The following ARGLU1 variants were observed in gnomAD, a reference collection of about 807,000 sequenced individuals.
The protein encoded by ARGLU1 is arginine and glutamate-rich protein 1.
A neutral mutation model predicts 37.6 loss-of-function variants in ARGLU1; 9 were observed. That is an observed-to-expected ratio of 0.24 (90% CI 0.14 to 0.42). ARGLU1 has a LOEUF of 0.42. ARGLU1 is among the 10% of genes least tolerant of loss of function. The pLI, the probability that ARGLU1 is intolerant of heterozygous loss-of-function variation, is 1.00. For missense variants in ARGLU1, 211 were observed against 359.2 expected (o/e 0.59, Z 3.34); for synonymous variants, 166 against 138.5 (o/e 1.20, Z -1.39).
chr13:106,551,218 T>C lies in ARGLU1; in HGVS notation c.657+5830A>G, dbSNP rs1420552731. Among the ~76,000 whole-genome samples the C allele has an allele frequency of 3.3e-5, 5 of 152,362 alleles. 1 individual carries two copies. The South Asian group carries it at 8.3e-4, about 25-fold the overall frequency. On this transcript the variant is annotated intron_variant, in intron 3 of 3. Coordinates refer to ENST00000400198, the MANE Select transcript of ARGLU1 (RefSeq NM_018011.4). ...AACATCCAGTGCTGGTGGTTCTTTC[T>C]ATACTTATCAGTTCATTCTTCAATT... is the stretch of plus-strand genomic sequence containing the variant.
intron 1 of ARGLU1, among the ~76,000 whole-genome samples, chr13:106,561,199 T>TA (rs1184247306): frequency 7.9e-5 from 12 of 151,870 alleles, no homozygotes; most frequent in East Asian, 3.9e-4. Context: ...TCCCCAATAC[T>TA]AAAAAAAATC....
intron 1 of ARGLU1, among the ~76,000 whole-genome samples, chr13:106,565,745 T>C (rs1428843117): frequency 6.6e-6 from 1 of 152,212 alleles, no homozygotes; most frequent in African/African-American, 2.4e-5. Flanking sequence ...CCCAGGAATT[T>C]AGAGTACAGG....
In ARGLU1 at chr13:106,557,297, C is replaced by T; in HGVS notation, c.574-166G>A. Reference sequence around the variant, plus strand: ...ACTGTGCAGTCACTAAAATTGGTTTCTAGCACTAAATTTAAATCATCCCTC... The same window carrying T: ...ACTGTGCAGTCACTAAAATTGGTTTTTAGCACTAAATTTAAATCATCCCTC... On this transcript the variant is annotated intron_variant, in intron 2 of 3. Transcript: ENST00000400198. This position sits in a 1 kb window ranked among gnomAD's most constrained non-coding sequence, Gnocchi z 5.0. 1.4e-6 allele frequency: 1 copy of T among 709,668 alleles called. No homozygotes were observed. The highest frequency in any genetic ancestry group is 2.2e-5 in the South Asian group (1 of 46,154). The allele number at this position is 709,668 out of a possible 1,614,324, so 44.0% of individuals were successfully genotyped here.
rs1454183201 is a variant in ARGLU1 at position 106,567,836 on chromosome 13, C to T, written c.84G>A (p.Arg28=). The T allele has an allele frequency of 6.2e-7, 1 of 1,613,620 alleles. No individual in the cohort carries two copies. Among genetic ancestry groups the T allele is most frequent in the Admixed American group, 1.7e-5 (1 of 60,018 alleles). Residue 28 remains arginine, a synonymous_variant, in exon 1 of 4, where the codon CGG becomes CGA. Transcript: ENST00000400198. The surrounding 1 kb of genome is among the most constrained non-coding windows in gnomAD (Gnocchi z 4.3). Reference sequence around the variant, plus strand: ...CGCGCTCCTTGTCCCGGGATCGCGACCGGGACCGGCTGCGCTTCTTGTTGT... The same window carrying T: ...CGCGCTCCTTGTCCCGGGATCGCGATCGGGACCGGCTGCGCTTCTTGTTGT... The part of the protein sequence containing the change: ...SKHNKKRSRS[R]SRSRDKERVR...
At chr13:106,556,812 A>G (rs1880671887) in intron 3 of ARGLU1, among the ~76,000 whole-genome samples, 1 of 152,202 alleles carries the variant, frequency 6.6e-6, no homozygotes, top group Non-Finnish European at 1.5e-5. Flanking sequence ...ATAGAGAACA[A>G]AATAATTTCC....
chr13:106,552,503 T>C (rs1484333595), intron 3 of ARGLU1, among the ~76,000 whole-genome samples: 3 of 152,280 alleles, frequency 2.0e-5, no homozygotes, highest in South Asian at 2.1e-4. Flanking sequence ...AGGGTATAGA[T>C]TGAGAGTTTC....
At chr13:106,548,973 G>C (rs578258043) in intron 3 of ARGLU1, among the ~76,000 whole-genome samples, 83 of 152,130 alleles carry the variant, frequency 5.5e-4, no homozygotes, top group Non-Finnish European at 1.1e-3. Flanking sequence ...GGATGGTCTA[G>C]ATCTTCTGAC....
chr13:106,563,471 C>A (rs1400444359), intron 1 of ARGLU1, among the ~76,000 whole-genome samples: 1 of 151,918 alleles, frequency 6.6e-6, no homozygotes, highest in Non-Finnish European at 1.5e-5. Context: ...ATAAGCAAGG[C>A]AAAGACAAGC....
chr13:106,567,927 G>T lies in ARGLU1; in HGVS notation c.-8C>A, dbSNP rs554990505. 22 of 1,604,324 alleles carry T rather than the reference G, an allele frequency of 1.4e-5. No homozygotes were observed. The highest frequency in any genetic ancestry group is 1.7e-5 in the Non-Finnish European group (20 of 1,178,818). ...GCTCCGAGACCGGCCCATCCTTCCGGGAGACGCTCTAACCGCTCGCCTCAG... is the reference window on the plus strand; with the variant it reads ...GCTCCGAGACCGGCCCATCCTTCCGTGAGACGCTCTAACCGCTCGCCTCAG... On this transcript the variant is annotated 5_prime_UTR_variant, in exon 1 of 4. Transcript: ENST00000400198. The surrounding 1 kb of genome is among the most constrained non-coding windows in gnomAD (Gnocchi z 4.3).
chr13:106,563,409 C>T (rs1005672438), intron 1 of ARGLU1, among the ~76,000 whole-genome samples: 12 of 152,104 alleles, frequency 7.9e-5, no homozygotes, highest in Non-Finnish European at 1.3e-4. Flanking sequence ...CCAAAGCTAA[C>T]GATCTCAAGC....
intron 2 of ARGLU1, chr13:106,558,103 CAG>C: frequency 2.0e-6 from 2 of 984,836 alleles, no homozygotes; most frequent in Non-Finnish European, 2.4e-6. Context: ...GAAAGACTGT[CAG>C]AGGGTTGTGT....
chr13:106,566,855 A>C (rs182625402), intron 1 of ARGLU1, among the ~76,000 whole-genome samples: 2 of 152,330 alleles, frequency 1.3e-5, no homozygotes, highest in Admixed American at 1.3e-4. Context: ...AAGTTAAAAA[A>C]GCGGTAGGCT....
intron 1 of ARGLU1, among the ~76,000 whole-genome samples, chr13:106,563,816 T>C (rs1224050363): frequency 6.6e-6 from 1 of 152,220 alleles, no homozygotes; most frequent in African/African-American, 2.4e-5. Context: ...ATCACTTATA[T>C]AGATCCCAGT....
At chr13:106,555,057 T>A (rs1402335840) in intron 3 of ARGLU1, among the ~76,000 whole-genome samples, 1 of 151,816 alleles carries the variant, frequency 6.6e-6, no homozygotes, top group Non-Finnish European at 1.5e-5. Context: ...AAGCATGCCA[T>A]CAGAATAGTG....
Position 106,567,136 on chromosome 13 carries a change from T to C in ARGLU1, c.347+437A>G, listed in dbSNP as rs1050437326. Among the ~76,000 whole-genome samples the C allele has an allele frequency of 3.3e-5, 5 of 152,034 alleles. No homozygotes were observed. The highest frequency in any genetic ancestry group is 7.4e-5 in the Non-Finnish European group (5 of 67,992). ...ATAGAATGCTTCTGGCCAGCTGTGA[T>C]TCGCATCTCAAAGGTTAATTCCCTT... On this transcript the variant is annotated intron_variant, in intron 1 of 3. Coordinates refer to ENST00000400198, the MANE Select transcript of ARGLU1 (RefSeq NM_018011.4). The surrounding 1 kb of genome is among the most constrained non-coding windows in gnomAD (Gnocchi z 4.3).
Position 106,559,596 on chromosome 13 carries a change from ATTC to A in ARGLU1, c.406_408del (p.Glu136del). 1 of 1,614,044 alleles carries A rather than the reference ATTC, an allele frequency of 6.2e-7. No individual in the cohort carries two copies. Among genetic ancestry groups the A allele is most frequent in the Non-Finnish European group, 8.5e-7 (1 of 1,180,000 alleles). ...TCTTCCTCCACCCTTTTTGCTACCAATTCTTCTACTCTTCGTGCTGTTTCTTCC... is the reference window on the plus strand; with the variant it reads ...TCTTCCTCCACCCTTTTTGCTACCAATTCTACTCTTCGTGCTGTTTCTTCC... On this transcript the variant is annotated inframe_deletion, in exon 2 of 4. Transcript: ENST00000400198.
chr13:106,546,804 A>G (rs1880402420), intron 3 of ARGLU1, among the ~76,000 whole-genome samples: 1 of 152,238 alleles, frequency 6.6e-6, no homozygotes, highest in African/African-American at 2.4e-5. Flanking sequence ...AATCCATAAG[A>G]GAAATCTAAT....
chr13:106,563,344 C>A (rs1312398809), intron 1 of ARGLU1, among the ~76,000 whole-genome samples: 1 of 152,168 alleles, frequency 6.6e-6, no homozygotes, highest in African/African-American at 2.4e-5. Flanking sequence ...GCTGAAGTTT[C>A]TAGACTCGAG....
chr13:106,555,626 C>T (rs1880644259), intron 3 of ARGLU1, among the ~76,000 whole-genome samples: 1 of 152,206 alleles, frequency 6.6e-6, no homozygotes, highest in Non-Finnish European at 1.5e-5. Flanking sequence ...AGAACTTTTA[C>T]TACCATTTGA....
Sources: gnomAD v4.1 joint callset for allele counts (sites outside exome capture counted in the v4.1 genomes callset) on GRCh38, gnomAD v4.1.1 for gene constraint, Gnocchi (gnomAD v3.1) non-coding constraint, MANE v1.5 for transcripts, NCBI Gene and HGNC (gene_info 2026-07-23, HGNC 2026-07-21) for gene names.